Variants in CARMIL1 observed in about 807,000 individuals in gnomAD.
The protein encoded by CARMIL1 is capping protein regulator and myosin 1 linker 1, also known as F-actin-uncapping protein LRRC16A.
In CARMIL1, 90 loss-of-function variants were observed where a neutral mutation model predicts 177.1. The ratio of observed to expected loss-of-function variants is 0.51; its 90% CI spans 0.43 to 0.61. The LOEUF (loss-of-function observed/expected upper bound fraction) is 0.61. Ranked by LOEUF, CARMIL1 falls within the 20% of genes least tolerant of loss-of-function variation. CARMIL1 has a pLI of 0.00. For synonymous variants in CARMIL1, 577 were observed against 606.2 expected, an observed-to-expected ratio of 0.95 and a Z score of 0.71; for missense variants, 1,380 against 1,667.0, an observed-to-expected ratio of 0.83 and a Z score of 3.00.
At chr6:25,452,330 G>T in intron 8 of CARMIL1, 2 of 693,392 alleles carry the variant, frequency 2.9e-6, no homozygotes, top group East Asian at 2.5e-5. Flanking sequence ...TCATAAAAAA[G>T]TGAACTGAGA....
chr6:25,349,175 A>G (rs1418950042), intron 2 of CARMIL1, among the ~76,000 whole-genome samples: 3 of 152,218 alleles, frequency 2.0e-5, no homozygotes, highest in African/African-American at 4.8e-5. Flanking sequence ...GCTCCATTCC[A>G]CTGCAGGGTG....
rs548340500 is a variant in CARMIL1, at chr6:25,600,424, G to A, written c.3230G>A (p.Arg1077Gln). 26 of 1,613,694 alleles carry A rather than the reference G, an allele frequency of 1.6e-5. No homozygotes were observed. The Middle Eastern group carries it at 8.2e-4, about 51-fold the overall frequency. The change falls in exon 33 of 37, where the codon CGG becomes CAG. Residue 1077 changes from arginine (R) to glutamine (Q), a missense_variant. By Grantham distance (43) the Arg-to-Gln change is conservative. Transcript: ENST00000329474. ...GGCTTTCTCAATTTAATCAAATCCC[G>A]GTCCAAATCCGAGCGACCACCAACG... ...SSGFLNLIKS[R>Q]SKSERPPTIL...
intron 2 of CARMIL1, among the ~76,000 whole-genome samples, chr6:25,408,708 C>T (rs186848775): frequency 6.6e-6 from 1 of 152,024 alleles, no homozygotes; most frequent in African/African-American, 2.4e-5. Flanking sequence ...GCTGTATTGT[C>T]CCCTGATGAG....
At chr6:25,512,088 A>G (rs1406414680) in intron 20 of CARMIL1, among the ~76,000 whole-genome samples, 1 of 152,152 alleles carries the variant, frequency 6.6e-6, no homozygotes, top group Admixed American at 6.5e-5. Flanking sequence ...CCCAGTTTTA[A>G]CAGATTAGGG....
At chr6:25,454,578 A>G (rs1382041229) in intron 8 of CARMIL1, among the ~76,000 whole-genome samples, 1 of 152,216 alleles carries the variant, frequency 6.6e-6, no homozygotes, top group Non-Finnish European at 1.5e-5. Context: ...ATGTGTATAA[A>G]TATTACTATG....
intron 2 of CARMIL1, among the ~76,000 whole-genome samples, chr6:25,395,198 T>C (rs1793264547): frequency 6.6e-6 from 1 of 152,172 alleles, no homozygotes; most frequent in Admixed American, 6.5e-5. Context: ...CCCAAGCCCA[T>C]GCGCTGTTAA....
chr6:25,282,646 C>T (rs556643555), intron 1 of CARMIL1, among the ~76,000 whole-genome samples: 13 of 152,266 alleles, frequency 8.5e-5, no homozygotes, highest in Non-Finnish European at 1.5e-4. Flanking sequence ...AAAACACAAA[C>T]TGAAACACAC....
chr6:25,459,269 T>TCTTTCTTTCTTTCTCTTTC (rs56094712), intron 8 of CARMIL1, among the ~76,000 whole-genome samples: 10 of 118,214 alleles, frequency 8.5e-5, no homozygotes, highest in African/African-American at 2.6e-4. Context: ...TTTCTTTCTT[T>TCTTTCTTTCTTTCTCTTTC]TTTTTTTTTT....
At chr6:25,455,190 T>C (rs1799380069) in intron 8 of CARMIL1, among the ~76,000 whole-genome samples, 1 of 152,204 alleles carries the variant, frequency 6.6e-6, no homozygotes, top group Non-Finnish European at 1.5e-5. Context: ...AGATTCTGCA[T>C]GCATTTGTAT....
chr6:25,450,851 TCCCC>T (rs1798779588), intron 8 of CARMIL1, 140 bp downstream of exon 8: 1 of 508,180 alleles, frequency 2.0e-6, no homozygotes, highest in African/African-American at 2.4e-5. Context: ...TCCCCTTCCC[TCCCC>T]TCCCTTCCCT....
At chr6:25,546,666 C>CA (rs1164419623) in intron 26 of CARMIL1, among the ~76,000 whole-genome samples, 5 of 43,386 alleles carry the variant, frequency 1.2e-4, no homozygotes, top group Non-Finnish European at 2.4e-4. Context: ...ACAACAACAA[C>CA]AACAAAAAAA....
chr6:25,592,539 G>A (rs994499811), intron 31 of CARMIL1, among the ~76,000 whole-genome samples: 4 of 152,202 alleles, frequency 2.6e-5, no homozygotes, highest in African/African-American at 7.2e-5. Context: ...ATTCAGATGA[G>A]AGGTGTAATT....
At chr6:25,330,067 T>C (rs1337870949) in intron 2 of CARMIL1, among the ~76,000 whole-genome samples, 5 of 152,238 alleles carry the variant, frequency 3.3e-5, no homozygotes, top group South Asian at 4.1e-4. Context: ...GAAGAGAGTT[T>C]CATTCTGGAG....
At chr6:25,418,196 C>T (rs1395446579) in intron 2 of CARMIL1, among the ~76,000 whole-genome samples, 1 of 152,106 alleles carries the variant, frequency 6.6e-6, no homozygotes, top group Non-Finnish European at 1.5e-5. Flanking sequence ...TCCCGGGATG[C>T]AGGATTCTCA....
At chr6:25,366,441 A>G (rs1789809226) in intron 2 of CARMIL1, among the ~76,000 whole-genome samples, 1 of 151,914 alleles carries the variant, frequency 6.6e-6, no homozygotes, top group African/African-American at 2.4e-5. Flanking sequence ...TTAAAATTGT[A>G]ACACCTCACC....
At chr6:25,522,842 C>T (rs1415485998) in intron 23 of CARMIL1, among the ~76,000 whole-genome samples, 1 of 152,186 alleles carries the variant, frequency 6.6e-6, no homozygotes, top group Non-Finnish European at 1.5e-5. Context: ...CAGGGTCTGG[C>T]TCTGTTGCCC....
At chr6:25,522,833 A>T (rs779703177) in intron 23 of CARMIL1, among the ~76,000 whole-genome samples, 5 of 151,390 alleles carry the variant, frequency 3.3e-5, no homozygotes, top group Non-Finnish European at 7.4e-5. Flanking sequence ...ATTGGTTGAC[A>T]GGGTCTGGCT....
chr6:25,586,933 T>G (rs1013431578), intron 31 of CARMIL1, among the ~76,000 whole-genome samples: 1 of 148,518 alleles, frequency 6.7e-6, no homozygotes, highest in Admixed American at 6.8e-5. Context: ...CGGCATCAGA[T>G]AGAGACCGTG....
At chr6:25,413,119 T>C (rs1247423768) in intron 2 of CARMIL1, among the ~76,000 whole-genome samples, 2 of 150,882 alleles carry the variant, frequency 1.3e-5, no homozygotes, top group Non-Finnish European at 3.0e-5. Flanking sequence ...GTGGTGATAA[T>C]GTGCCTCACC....
Sources: gnomAD v4.1 joint callset for allele counts (sites outside exome capture counted in the v4.1 genomes callset) on GRCh38, gnomAD v4.1.1 for gene constraint, MANE v1.5 for transcripts, NCBI Gene and HGNC (gene_info 2026-07-23, HGNC 2026-07-21) for gene names.